KCNIP3: variants seen among roughly 807,000 people sequenced by gnomAD.
The protein encoded by KCNIP3 is calsenilin.
Under a neutral mutation model 35.0 loss-of-function variants are expected in KCNIP3, and 28 were observed. The ratio of observed to expected loss-of-function variants is 0.80; its 90% CI spans 0.59 to 1.10. The LOEUF is 1.10. Ranked by LOEUF, KCNIP3 falls within the 50% of genes least tolerant of loss-of-function variation. The pLI, the probability that KCNIP3 is intolerant of heterozygous loss-of-function variation, is 0.00. For missense variants in KCNIP3, 295 were observed against 338.4 expected (o/e 0.87, Z 1.01); for synonymous variants, 134 against 133.8 (o/e 1.00, Z -0.01).
intron 1 of KCNIP3, 24 bp from the exon 2 acceptor site, chr2:95,310,331 C>T (rs1195696265): frequency 6.2e-7 from 1 of 1,612,398 alleles, no homozygotes; most frequent in Non-Finnish European, 8.5e-7. Context: ...GGGCTCAGGG[C>T]TGCTCTGCCT....
chr2:95,352,983 C>T (rs1679564873), intron 2 of KCNIP3, among the ~76,000 whole-genome samples: 1 of 152,234 alleles, frequency 6.6e-6, no homozygotes, highest in African/African-American at 2.4e-5. Flanking sequence ...TGGGGGTTCC[C>T]AGGCATCTGC....
rs1312746523 is a variant in KCNIP3, at chr2:95,384,427, G to GCC, written c.*380_*381dup. On this transcript the variant is annotated 3_prime_UTR_variant, in exon 9 of 9. Transcript: ENST00000295225. ...GGGGAGGGTCCAATCTCCGGTGTGA[G>GCC]CCCACCTCGTCCCGTTCTCCATTCT... 11 of 284,648 alleles carry GCC rather than the reference G, an allele frequency of 3.9e-5. No homozygotes were observed. In the Middle Eastern group the frequency reaches 4.1e-3, roughly 107 times the overall value. The allele number at this position is 284,648 out of a possible 1,614,324, so 17.6% of individuals were successfully genotyped here.
At chr2:95,359,109 A>T (rs979780848) in intron 2 of KCNIP3, among the ~76,000 whole-genome samples, 1 of 152,178 alleles carries the variant, frequency 6.6e-6, no homozygotes, top group African/African-American at 2.4e-5. Flanking sequence ...TGGAAAATTC[A>T]TGTCCTTCTC....
At chr2:95,324,336 C>A (rs1678670857) in intron 2 of KCNIP3, among the ~76,000 whole-genome samples, 3 of 151,538 alleles carry the variant, frequency 2.0e-5, no homozygotes, top group Admixed American at 2.0e-4. Context: ...ACGGTGAAAC[C>A]CCGTCTCTAC....
intron 2 of KCNIP3, among the ~76,000 whole-genome samples, chr2:95,372,476 G>A (rs1680063331): frequency 6.6e-6 from 1 of 152,218 alleles, no homozygotes; most frequent in Non-Finnish European, 1.5e-5. Flanking sequence ...CTAAGGATTC[G>A]AGATACTACA....
rs753473825 is a variant in KCNIP3 at position 95,310,248 on chromosome 2, G to C, written c.16-107G>C. The C allele has an allele frequency of 6.8e-6, 9 of 1,326,334 alleles. No individual in the cohort carries two copies. In the East Asian group the frequency reaches 1.6e-4, roughly 24 times the overall value. 82.2% of individuals were successfully genotyped at this position (1,326,334 alleles called of 1,614,324 possible). On this transcript the variant is annotated intron_variant, in intron 1 of 8. Coordinates refer to ENST00000295225, the MANE Select transcript of KCNIP3 (RefSeq NM_013434.5). ...TGCAGCCCCGGAAGGTGAGCCCTCT[G>C]TTGTGTTCAGGCTGGCCTCATCTAG...
intron 2 of KCNIP3, among the ~76,000 whole-genome samples, chr2:95,317,247 C>T (rs564337415): frequency 6.6e-6 from 1 of 152,358 alleles, no homozygotes; most frequent in Admixed American, 6.5e-5. Context: ...GGTGAGGCCC[C>T]TCTGCAGTGA....
intron 2 of KCNIP3, among the ~76,000 whole-genome samples, chr2:95,314,300 T>A (rs370853436): frequency 2.6e-5 from 4 of 152,364 alleles, no homozygotes; most frequent in South Asian, 2.1e-4. Flanking sequence ...GATATCAAAG[T>A]GAGATGTCAG....
chr2:95,342,084 CG>C (rs1161452703), intron 2 of KCNIP3, among the ~76,000 whole-genome samples: 1 of 152,140 alleles, frequency 6.6e-6, no homozygotes, highest in East Asian at 1.9e-4. Context: ...TCACAGTTCA[CG>C]GAAGAGCATG....
chr2:95,374,750 G>T, intron 3 of KCNIP3, 98 bp from the exon 4 acceptor site: 1 of 1,387,338 alleles, frequency 7.2e-7, no homozygotes, highest in South Asian at 1.2e-5. Flanking sequence ...GCAGCAGGCA[G>T]CCCCCAAGGG....
chr2:95,380,697 C>G (rs991075214), intron 5 of KCNIP3, among the ~76,000 whole-genome samples: 1 of 152,202 alleles, frequency 6.6e-6, no homozygotes, highest in Non-Finnish European at 1.5e-5. Context: ...CCACACACAG[C>G]ATGTCATGAC....
chr2:95,345,778 C>T (rs1008393910), intron 2 of KCNIP3, among the ~76,000 whole-genome samples: 9 of 152,256 alleles, frequency 5.9e-5, no homozygotes, highest in Admixed American at 5.2e-4. Context: ...GGGCTCCGCC[C>T]GGCCACGCCT....
intron 8 of KCNIP3, among the ~76,000 whole-genome samples, chr2:95,383,683 C>T (rs1453850239): frequency 6.6e-6 from 1 of 152,226 alleles, no homozygotes; most frequent in African/African-American, 2.4e-5. Context: ...GATGCTGGGC[C>T]TCCAGCGCCT....
intron 5 of KCNIP3, among the ~76,000 whole-genome samples, chr2:95,379,842 G>A (rs1680292511): frequency 6.6e-6 from 1 of 152,212 alleles, no homozygotes; most frequent in Non-Finnish European, 1.5e-5. Flanking sequence ...CTCTCTGAAA[G>A]TTTATAGGAT....
intron 2 of KCNIP3, among the ~76,000 whole-genome samples, chr2:95,325,294 T>C (rs1322412587): frequency 1.3e-5 from 2 of 152,236 alleles, no homozygotes; most frequent in African/African-American, 2.4e-5. Flanking sequence ...GGAGCTCACC[T>C]GAGCAGCGGG....
chr2:95,330,343 G>C (rs1181753755), intron 2 of KCNIP3, among the ~76,000 whole-genome samples: 1 of 152,208 alleles, frequency 6.6e-6, no homozygotes, highest in African/African-American at 2.4e-5. Context: ...TGGGCACCAG[G>C]TCTCCTGGCT....
intron 2 of KCNIP3, among the ~76,000 whole-genome samples, chr2:95,342,270 T>C (rs1424758273): frequency 6.6e-6 from 1 of 152,220 alleles, no homozygotes; most frequent in African/African-American, 2.4e-5. Context: ...GTTTATCAGC[T>C]GTGTGCCCTT....
chr2:95,327,003 A>T (rs1449414259), intron 2 of KCNIP3, among the ~76,000 whole-genome samples: 5 of 152,140 alleles, frequency 3.3e-5, no homozygotes, highest in Admixed American at 3.3e-4. Flanking sequence ...TTATCACCAC[A>T]GTGCTCGGCA....
At chr2:95,325,824 C>T (rs1573491850) in intron 2 of KCNIP3, among the ~76,000 whole-genome samples, 1 of 145,122 alleles carries the variant, frequency 6.9e-6, no homozygotes, top group Admixed American at 6.9e-5. Flanking sequence ...CACACATACA[C>T]ATACACTCAT....
Sources: gnomAD v4.1 joint callset for allele counts (sites outside exome capture counted in the v4.1 genomes callset) on GRCh38, gnomAD v4.1.1 for gene constraint, MANE v1.5 for transcripts, NCBI Gene and HGNC (gene_info 2026-07-23, HGNC 2026-07-21) for gene names.